Variants in SIPA1L1 observed in about 807,000 individuals in gnomAD.
The protein encoded by SIPA1L1 is signal induced proliferation associated 1 like 1.
SIPA1L1 carries 26 observed loss-of-function variants against 162.7 expected under a neutral mutation model. The ratio of observed to expected loss-of-function variants is 0.16; its 90% CI spans 0.12 to 0.22. The LOEUF (loss-of-function observed/expected upper bound fraction) is 0.22. Ranked by LOEUF, SIPA1L1 falls within the 10% of genes least tolerant of loss-of-function variation. SIPA1L1 has a pLI of 1.00. For synonymous variants in SIPA1L1, 829 were observed against 837.4 expected (o/e 0.99, Z 0.17); for missense variants, 1,874 against 2,241.0 (o/e 0.84, Z 3.31).
chr14:71,683,566 C>T (rs1307666267), intron 12 of SIPA1L1, among the ~76,000 whole-genome samples: 5 of 152,122 alleles, frequency 3.3e-5, no homozygotes, highest in Non-Finnish European at 7.4e-5. Context: ...GCTGTAGTCA[C>T]AAATGAAAGA....
intron 12 of SIPA1L1, among the ~76,000 whole-genome samples, chr14:71,674,550 TTTTTTTTTTGTTTTTTTTTG>T (rs1232517977): frequency 2.1e-5 from 3 of 146,024 alleles, no homozygotes; most frequent in African/African-American, 5.1e-5. Context: ...AGCATTCCTG[TTTTTTTTTTGTTTTTTTTTG>T]TTTTTTTTTT....
chr14:71,696,308 C>T (rs1318974990), intron 13 of SIPA1L1, among the ~76,000 whole-genome samples: 1 of 152,212 alleles, frequency 6.6e-6, no homozygotes, highest in African/African-American at 2.4e-5. Context: ...CCAAGTCTCC[C>T]TGTTTACCCC....
intron 2 of SIPA1L1, among the ~76,000 whole-genome samples, chr14:71,412,611 G>A (rs2042486274): frequency 1.3e-5 from 2 of 152,148 alleles, no homozygotes. Flanking sequence ...AAGGTGGGAG[G>A]CCTAATGTCC....
chr14:71,562,545 C>A (rs1438631931), intron 4 of SIPA1L1, among the ~76,000 whole-genome samples: 3 of 152,110 alleles, frequency 2.0e-5, no homozygotes, highest in Non-Finnish European at 4.4e-5. Context: ...ATAATAAATG[C>A]TCAATTAATA....
intron 2 of SIPA1L1, among the ~76,000 whole-genome samples, chr14:71,479,876 G>A (rs1252674247): frequency 6.6e-6 from 1 of 152,066 alleles, no homozygotes; most frequent in African/African-American, 2.4e-5. Flanking sequence ...ACAGGCATAT[G>A]CTACCATGCT....
intron 2 of SIPA1L1, among the ~76,000 whole-genome samples, chr14:71,386,530 C>T (rs1266965396): frequency 6.6e-6 from 1 of 152,028 alleles, no homozygotes; most frequent in Non-Finnish European, 1.5e-5. Flanking sequence ...TGAATATTAA[C>T]CATCACAGCG....
Position 71,735,394 on chromosome 14 carries a change from T to A in SIPA1L1, c.5123+3T>A. 6.2e-7 allele frequency: 1 copy of A among 1,601,458 alleles called. No individual in the cohort carries two copies. The highest frequency in any genetic ancestry group is 1.1e-5 in the South Asian group (1 of 90,804). Reference sequence around the variant, plus strand: ...GCCCAGATGAAGCCTTACAGCAGGTTGGTCCCAGTGCAAGGGCAGTACTCT... The same window carrying A: ...GCCCAGATGAAGCCTTACAGCAGGTAGGTCCCAGTGCAAGGGCAGTACTCT... On this transcript the variant is annotated splice_donor_region_variant and intron_variant, in intron 22 of 23. Transcript: ENST00000381232.
intron 2 of SIPA1L1, among the ~76,000 whole-genome samples, chr14:71,468,391 C>A (rs1199164220): frequency 6.6e-6 from 1 of 152,138 alleles, no homozygotes; most frequent in African/African-American, 2.4e-5. Context: ...ATCTGCCCAG[C>A]TTCTGGGGAG....
At chr14:71,737,008 A>C (rs2085358800) in intron 22 of SIPA1L1, among the ~76,000 whole-genome samples, 1 of 152,178 alleles carries the variant, frequency 6.6e-6, no homozygotes, top group Admixed American at 6.5e-5. Context: ...CAGCCCACCC[A>C]AAATCGGACC....
intron 2 of SIPA1L1, among the ~76,000 whole-genome samples, chr14:71,497,131 T>C (rs2049850769): frequency 6.6e-6 from 1 of 152,008 alleles, no homozygotes; most frequent in Admixed American, 6.6e-5. Context: ...ATCACGCCAC[T>C]GCACTCCAGC....
chr14:71,679,143 C>G (rs190566273), intron 12 of SIPA1L1, among the ~76,000 whole-genome samples: 3 of 152,184 alleles, frequency 2.0e-5, no homozygotes, highest in Admixed American at 1.3e-4. Flanking sequence ...GTCAGATTCA[C>G]CAAAGTTGAA....
intron 2 of SIPA1L1, among the ~76,000 whole-genome samples, chr14:71,395,663 G>C (rs1461046827): frequency 6.6e-6 from 1 of 152,128 alleles, no homozygotes; most frequent in African/African-American, 2.4e-5. Context: ...CCTGTCTCTT[G>C]AAAACTCAAG....
intron 4 of SIPA1L1, among the ~76,000 whole-genome samples, chr14:71,535,039 A>G (rs2053771539): frequency 6.6e-6 from 1 of 152,256 alleles, no homozygotes. Context: ...ATGCAGGTAA[A>G]CATAAAGACA....
chr14:71,541,126 AAAG>A (rs1014523649), intron 4 of SIPA1L1, among the ~76,000 whole-genome samples: 12 of 152,176 alleles, frequency 7.9e-5, no homozygotes, highest in East Asian at 3.9e-4. Flanking sequence ...TTAAAAAAAA[AAAG>A]AAGAAGAACT....
intron 17 of SIPA1L1, among the ~76,000 whole-genome samples, chr14:71,721,843 C>T (rs567500208): frequency 5.3e-5 from 8 of 152,184 alleles, no homozygotes; most frequent in Non-Finnish European, 1.2e-4. Flanking sequence ...TGTTCAAGGA[C>T]TGCAGTCCCT....
chr14:71,389,983 C>G (rs183431736), intron 2 of SIPA1L1, among the ~76,000 whole-genome samples: 1 of 152,344 alleles, frequency 6.6e-6, no homozygotes, highest in East Asian at 1.9e-4. Flanking sequence ...AGATTTCCAT[C>G]TTTTCAAATC....
intron 4 of SIPA1L1, among the ~76,000 whole-genome samples, chr14:71,550,162 C>T (rs1042654560): frequency 9.2e-5 from 14 of 152,110 alleles, no homozygotes; most frequent in South Asian, 4.1e-4. Context: ...TTGAGGTGGA[C>T]GGATCACTTG....
At chr14:71,640,596 A>G (rs533921249) in intron 7 of SIPA1L1, among the ~76,000 whole-genome samples, 27 of 152,332 alleles carry the variant, frequency 1.8e-4, no homozygotes, top group African/African-American at 5.8e-4. Context: ...AGAGAACTCA[A>G]ATCTGTAAAA....
intron 5 of SIPA1L1, among the ~76,000 whole-genome samples, chr14:71,604,311 T>A (rs906966864): frequency 1.8e-4 from 27 of 152,188 alleles, no homozygotes; most frequent in East Asian, 3.9e-4. Context: ...CTAATTTTTT[T>A]AAAAATTTGT....
Sources: gnomAD v4.1 joint callset for allele counts (sites outside exome capture counted in the v4.1 genomes callset) on GRCh38, gnomAD v4.1.1 for gene constraint, MANE v1.5 for transcripts, NCBI Gene and HGNC (gene_info 2026-07-23, HGNC 2026-07-21) for gene names.